Variants in TMEM102 observed in about 807,000 individuals in gnomAD.
TMEM102 encodes the protein DANGER family member 2B.
In TMEM102, 28 loss-of-function variants were observed where a neutral mutation model predicts 26.8. That is an observed-to-expected ratio of 1.05 (90% CI 0.77 to 1.43). TMEM102 has a LOEUF of 1.43. Ranked by LOEUF, TMEM102 falls within the 40% of genes most tolerant of loss-of-function variation. The pLI is 0.00. For synonymous variants in TMEM102, 306 were observed against 332.1 expected (o/e 0.92, Z 0.86); for missense variants, 677 against 705.6 (o/e 0.96, Z 0.46).
In TMEM102 at chr17:7,436,308, C is replaced by T. The variant is rs3809718; in HGVS notation, c.329C>T (p.Ala110Val). The T allele has an allele frequency of 1.8e-3, 2,929 of 1,613,820 alleles. 93 individuals are homozygous for T. In the East Asian group the frequency reaches 0.058, roughly 32 times the overall value. The change falls in exon 3 of 3, where the codon GCC (alanine) becomes GTC (valine). Residue 110 changes from alanine (A) to valine (V), a missense_variant. Coordinates refer to ENST00000323206, the MANE Select transcript of TMEM102 (RefSeq NM_178518.3). Reference protein sequence around the residue: ...DLGHAPLGPYARGPHYDAGFT... With the variant: ...DLGHAPLGPYVRGPHYDAGFT... ...GGGCATGCACCCCTGGGTCCCTACG[C>T]CCGGGGACCTCACTACGATGCCGGC...
Position 7,437,546 on chromosome 17 carries a change from A to G in TMEM102, c.*40A>G. The G allele has an allele frequency of 7.8e-7, 1 of 1,286,190 alleles. No homozygotes were observed. Among genetic ancestry groups the G allele is most frequent in the Non-Finnish European group, 1.0e-6 (1 of 999,478 alleles). 79.7% of individuals were successfully genotyped at this position (1,286,190 alleles called of 1,614,324 possible). On this transcript the variant is annotated 3_prime_UTR_variant, in exon 3 of 3. Transcript: ENST00000323206. The surrounding 1 kb of genome is among the most constrained non-coding windows in gnomAD (Gnocchi z 4.2). ...CCAGTGGAAAGTGCCTCTGTGGGCG[A>G]GCGGGACGTGGGGGGCCCTGCTCGC... is the stretch of plus-strand genomic sequence containing the variant.
In TMEM102 at chr17:7,436,936, C is replaced by T. The variant is rs759459571; in HGVS notation, c.957C>T (p.Ile319=). 2 of 1,605,788 alleles carry T rather than the reference C, an allele frequency of 1.2e-6. No individual in the cohort carries two copies. Among genetic ancestry groups the T allele is most frequent in the Non-Finnish European group, 1.7e-6 (2 of 1,179,492 alleles). The part of the protein sequence containing the change: ...PPRRLLLFDL[I]PVVSVAGWPE... ...GCCGCCTCCTGCTCTTCGACCTGAT[C>T]CCAGTGGTGTCCGTGGCGGGCTGGC... The change falls in exon 3 of 3, where the codon ATC becomes ATT. Residue 319 remains isoleucine, a synonymous_variant. Transcript: ENST00000323206.
In TMEM102 at chr17:7,436,842, C is replaced by T. The variant is rs1370573011; in HGVS notation, c.863C>T (p.Pro288Leu). 3.1e-6 allele frequency: 5 copies of T among 1,612,978 alleles called. No individual in the cohort carries two copies. The highest frequency in any genetic ancestry group is 4.5e-5 in the East Asian group (2 of 44,886). Residue 288 changes from proline (P) to leucine (L), a missense_variant, in exon 3 of 3, where the codon CCG becomes CTG. Transcript: ENST00000323206. ...AESLIPVPGA[P>L]RLVHAARHAG... ...TCTCTGATCCCTGTCCCGGGTGCTC[C>T]GCGTCTGGTGCACGCAGCTCGCCAC...
In TMEM102 at chr17:7,436,800, T is replaced by A; in HGVS notation, c.821T>A (p.Leu274Gln). 1 of 1,613,478 alleles carries A rather than the reference T, an allele frequency of 6.2e-7. No homozygotes were observed. The highest frequency in any genetic ancestry group is 8.5e-7 in the Non-Finnish European group (1 of 1,180,020). Residue 274 changes from leucine to glutamine, a missense_variant, in exon 3 of 3, where the codon CTG becomes CAG. Leu to Gln is a moderately radical substitution (Grantham distance 113, BLOSUM62 -2). Coordinates refer to ENST00000323206, the MANE Select transcript of TMEM102 (RefSeq NM_178518.3). ...GTGGCTGCCTGGTTCTTTGCTACGC[T>A]GGCGGCGGTCGCCGAGTCTCTGATC... ...AQVAAWFFAT[L>Q]AAVAESLIPV...
Position 7,436,355 on chromosome 17 carries a change from T to A in TMEM102, c.376T>A (p.Phe126Ile). ...DAGFTLLVPM[F>I]SLDGTELQLD... ...CGGCTTCACACTCCTAGTGCCCATG[T>A]TTTCACTGGACGGCACTGAACTGCA... Residue 126 changes from phenylalanine (F) to isoleucine (I), a missense_variant, in exon 3 of 3, where the codon TTT (phenylalanine) becomes ATT (isoleucine). Physicochemically the swap from Phe to Ile is conservative, Grantham distance 21. Transcript: ENST00000323206. 8 of 1,613,754 alleles carry A rather than the reference T, an allele frequency of 5.0e-6. No individual in the cohort carries two copies. Among genetic ancestry groups the A allele is most frequent in the Non-Finnish European group, 6.8e-6 (8 of 1,180,028 alleles).
In TMEM102 at chr17:7,436,046, G is replaced by T. The variant is rs781470143; in HGVS notation, c.175G>T (p.Asp59Tyr). 1.9e-5 allele frequency: 30 copies of T among 1,613,898 alleles called. No homozygotes were observed. The highest frequency in any genetic ancestry group is 2.4e-5 in the Non-Finnish European group (28 of 1,180,032). Residue 59 changes from aspartate (D) to tyrosine (Y), a missense_variant, in exon 2 of 3, where the codon GAT becomes TAT. Physicochemically the swap from Asp to Tyr is radical, Grantham distance 160 (BLOSUM62 -3). Coordinates refer to ENST00000323206, the MANE Select transcript of TMEM102 (RefSeq NM_178518.3). Reference sequence around the variant, plus strand: ...GAGTGACGGGCCCAAGCCGGGAGCCGATCTCCTCCGGGCCAAGGACTTTGT... The same window carrying T: ...GAGTGACGGGCCCAAGCCGGGAGCCTATCTCCTCCGGGCCAAGGACTTTGT... ...SWSDGPKPGA[D>Y]LLRAKDFVFS...
chr17:7,436,034 A>G lies in TMEM102; in HGVS notation c.163A>G (p.Lys55Glu). The G allele has an allele frequency of 1.2e-6, 2 of 1,613,638 alleles. No homozygotes were observed. Among genetic ancestry groups the G allele is most frequent in the Non-Finnish European group, 1.7e-6 (2 of 1,180,024 alleles). ...GCAGGAGAGCTGGAGTGACGGGCCC[A>G]AGCCGGGAGCCGATCTCCTCCGGGC... ...GVQESWSDGP[K>E]PGADLLRAKD... Residue 55 changes from lysine (K) to glutamate (E), a missense_variant, in exon 2 of 3, where the codon AAG becomes GAG. Transcript: ENST00000323206.
rs753717339 is a variant in TMEM102 at position 7,436,490 on chromosome 17, C to G, written c.511C>G (p.Arg171Gly). 6.2e-7 allele frequency: 1 copy of G among 1,613,794 alleles called. No homozygotes were observed. The highest frequency in any genetic ancestry group is 1.7e-5 in the Admixed American group (1 of 60,022). ...CTTAGGACCCCCAGTCCCAGGAGCA[C>G]GTGATTCGATCCACCGAACGGAGAG... ...DCLGPPVPGA[R>G]DSIHRTESEE... The change falls in exon 3 of 3, where the codon CGT (arginine) becomes GGT (glycine). Residue 171 changes from arginine to glycine, a missense_variant. By Grantham distance (125) the Arg-to-Gly change is moderately radical. Transcript: ENST00000323206.
Position 7,436,361 on chromosome 17 carries a change from C to A in TMEM102, c.382C>A (p.Leu128Met). ...GFTLLVPMFS[L>M]DGTELQLDLE... ...CACACTCCTAGTGCCCATGTTTTCA[C>A]TGGACGGCACTGAACTGCAACTGGA... The change falls in exon 3 of 3, where the codon CTG becomes ATG. Residue 128 changes from leucine (L) to methionine (M), a missense_variant. Leu to Met is a conservative substitution (Grantham distance 15). Transcript: ENST00000323206. The A allele has an allele frequency of 6.2e-7, 1 of 1,613,836 alleles. No individual in the cohort carries two copies.
At position 7,436,381 on chromosome 17, in the gene TMEM102, A is replaced by G. The variant is rs752387001; in HGVS notation, c.402A>G (p.Gln134=). The change falls in exon 3 of 3, where the codon CAA becomes CAG. Residue 134 remains glutamine, a synonymous_variant. Transcript: ENST00000323206. ...PMFSLDGTEL[Q]LDLESCYAQV... ...TTTCACTGGACGGCACTGAACTGCAACTGGACCTGGAATCCTGTTACGCAC... is the reference window on the plus strand; with the variant it reads ...TTTCACTGGACGGCACTGAACTGCAGCTGGACCTGGAATCCTGTTACGCAC... 31 of 1,613,826 alleles carry G rather than the reference A, an allele frequency of 1.9e-5. No individual in the cohort carries two copies. The highest frequency in any genetic ancestry group is 2.2e-5 in the Non-Finnish European group (26 of 1,180,032).
rs780540599 is a variant in TMEM102 at position 7,435,961 on chromosome 17, C to T, written c.90C>T (p.Ser30=). The change falls in exon 2 of 3, where the codon TCC becomes TCT. Residue 30 remains serine, a synonymous_variant. Transcript: ENST00000323206. The stretch of plus-strand genomic sequence containing the variant: ...CGCTCACGGACATCGACTTCTGCTC[C>T]GGGGCGCAGCTGCAGGAATTGACCC... ...ARPLTDIDFC[S]GAQLQELTQL... is the part of the protein sequence containing the mutation. The T allele has an allele frequency of 1.2e-6, 2 of 1,613,164 alleles. No individual in the cohort carries two copies. Among genetic ancestry groups the T allele is most frequent in the Admixed American group, 3.3e-5 (2 of 60,032 alleles).
chr17:7,436,667 G>C lies in TMEM102; in HGVS notation c.688G>C (p.Ala230Pro). The change falls in exon 3 of 3, where the codon GCA becomes CCA. Residue 230 changes from alanine (A) to proline (P), a missense_variant. Transcript: ENST00000323206. ...TGACGTCGTCGACCTTGGCTCTACC[G>C]CACCTTTGAAAACAATGAGTAGTGA... is the stretch of plus-strand genomic sequence containing the variant. Reference protein sequence around the residue: ...QHDVVDLGSTAPLKTMSSDVT... With the variant: ...QHDVVDLGSTPPLKTMSSDVT... 6.2e-7 allele frequency: 1 copy of C among 1,613,820 alleles called. No homozygotes were observed. The highest frequency in any genetic ancestry group is 8.5e-7 in the Non-Finnish European group (1 of 1,180,032).
At position 7,436,058 on chromosome 17, in the gene TMEM102, G is replaced by A. The variant is rs778563864; in HGVS notation, c.187G>A (p.Ala63Thr). ...GPKPGADLLR[A>T]KDFVFSLLGL... Reference sequence around the variant, plus strand: ...CAAGCCGGGAGCCGATCTCCTCCGGGCCAAGGACTTTGTCTTCTCTTTGCT... The same window carrying A: ...CAAGCCGGGAGCCGATCTCCTCCGGACCAAGGACTTTGTCTTCTCTTTGCT... Residue 63 changes from alanine (A) to threonine (T), a missense_variant, in exon 2 of 3, where the codon GCC (alanine) becomes ACC (threonine). Physicochemically the swap from Ala to Thr is moderately conservative, Grantham distance 58. Coordinates refer to ENST00000323206, the MANE Select transcript of TMEM102 (RefSeq NM_178518.3). The A allele has an allele frequency of 1.2e-6, 2 of 1,613,744 alleles. No individual in the cohort carries two copies. Among genetic ancestry groups the A allele is most frequent in the South Asian group, 1.1e-5 (1 of 91,094 alleles).
Position 7,437,195 on chromosome 17 carries a change from T to G in TMEM102, c.1216T>G (p.Tyr406Asp). 2 of 1,501,404 alleles carry G rather than the reference T, an allele frequency of 1.3e-6. No homozygotes were observed. Among genetic ancestry groups the G allele is most frequent in the Middle Eastern group, 4.3e-4 (2 of 4,680 alleles). The allele number at this position is 1,501,404 out of a possible 1,614,324, so 93.0% of individuals were successfully genotyped here. The change falls in exon 3 of 3, where the codon TAC (tyrosine) becomes GAC (aspartate). Residue 406 changes from tyrosine (Y) to aspartate (D), a missense_variant. Physicochemically the swap from Tyr to Asp is radical, Grantham distance 160. Transcript: ENST00000323206. The surrounding 1 kb of genome is among the most constrained non-coding windows in gnomAD (Gnocchi z 4.2). Reference sequence around the variant, plus strand: ...GGCCGGGACCCGGGCGGCGGCGCCCTACCTCCTGCGGACGCTGCTGTACTG... The same window carrying G: ...GGCCGGGACCCGGGCGGCGGCGCCCGACCTCCTGCGGACGCTGCTGTACTG... ...LVAGTRAAAP[Y>D]LLRTLLYWAC...
In TMEM102 at chr17:7,436,184, CT is replaced by C. The variant is rs746558948; in HGVS notation, c.215-3del. The C allele has an allele frequency of 4.4e-5, 69 of 1,580,738 alleles. 1 individual carries two copies. The highest frequency in any genetic ancestry group is 1.0e-5 in the Non-Finnish European group (12 of 1,152,736). On this transcript the variant is annotated splice_polypyrimidine_tract_variant and intron_variant, in intron 2 of 2. Coordinates refer to ENST00000323206, the MANE Select transcript of TMEM102 (RefSeq NM_178518.3). Reference sequence around the variant, plus strand: ...GGGCGACGCCCTCACGATCCGTTCCCTTTTTTTAGGTCTAGTTCACCGCCGG... The same window carrying C: ...GGGCGACGCCCTCACGATCCGTTCCCTTTTTTAGGTCTAGTTCACCGCCGG...
chr17:7,437,443 G>A lies in TMEM102; in HGVS notation c.1464G>A (p.Val488=), dbSNP rs1261804016. ...CGGCCCGGGCCCTCCGTGCCGCGGT[G>A]GAGGAGGCCAAAGTGGCCCGCAAGG... ...GDPARALRAA[V]EEAKVARKGG... is the part of the protein sequence containing the mutation. The change falls in exon 3 of 3, where the codon GTG becomes GTA. Residue 488 remains valine (V), a synonymous_variant. Coordinates refer to ENST00000323206, the MANE Select transcript of TMEM102 (RefSeq NM_178518.3). The surrounding 1 kb of genome is among the most constrained non-coding windows in gnomAD (Gnocchi z 4.2). The A allele has an allele frequency of 2.7e-6, 4 of 1,459,596 alleles. No individual in the cohort carries two copies. Among genetic ancestry groups the A allele is most frequent in the Middle Eastern group, 1.9e-4 (1 of 5,176 alleles). The allele number at this position is 1,459,596 out of a possible 1,614,324, so 90.4% of individuals were successfully genotyped here.
At position 7,436,320 on chromosome 17, in the gene TMEM102, A is replaced by C. The variant is rs750940252; in HGVS notation, c.341A>C (p.His114Pro). ...APLGPYARGPHYDAGFTLLVP... is the reference protein window; with the variant it reads ...APLGPYARGPPYDAGFTLLVP... ...CTGGGTCCCTACGCCCGGGGACCTC[A>C]CTACGATGCCGGCTTCACACTCCTA... is the stretch of plus-strand genomic sequence containing the variant. Residue 114 changes from histidine to proline, a missense_variant, in exon 3 of 3, where the codon CAC becomes CCC. By Grantham distance (77) the His-to-Pro change is moderately conservative. Transcript: ENST00000323206. 1 of 1,613,740 alleles carries C rather than the reference A, an allele frequency of 6.2e-7. No individual in the cohort carries two copies. The highest frequency in any genetic ancestry group is 8.5e-7 in the Non-Finnish European group (1 of 1,180,000).
At position 7,436,024 on chromosome 17, in the gene TMEM102, T is replaced by A; in HGVS notation, c.153T>A (p.Ser51Arg). 1 of 1,613,448 alleles carries A rather than the reference T, an allele frequency of 6.2e-7. No homozygotes were observed. The highest frequency in any genetic ancestry group is 8.5e-7 in the Non-Finnish European group (1 of 1,180,002). Residue 51 changes from serine (S) to arginine (R), a missense_variant, in exon 2 of 3, where the codon AGT becomes AGA. Transcript: ENST00000323206. ...IQELGVQESW[S>R]DGPKPGADLL... ...AGCTGGGTGTGCAGGAGAGCTGGAG[T>A]GACGGGCCCAAGCCGGGAGCCGATC... is the stretch of plus-strand genomic sequence containing the variant.
In TMEM102 at chr17:7,435,435, G is replaced by T. The variant is rs1907972480; in HGVS notation, c.-281G>T. ...GGGGCGTGGCTGAAAATGTAGGGGC[G>T]TGGCCACGTGGGCATCAGGAAGAAG... On this transcript the variant is annotated 5_prime_UTR_variant, in exon 1 of 3. Coordinates refer to ENST00000323206, the MANE Select transcript of TMEM102 (RefSeq NM_178518.3). 6.4e-6 allele frequency: 1 copy of T among 156,492 alleles called. No individual in the cohort carries two copies. Among genetic ancestry groups the T allele is most frequent in the African/African-American group, 2.4e-5 (1 of 41,584 alleles). The allele number at this position is 156,492 out of a possible 1,614,324, so 9.7% of individuals were successfully genotyped here. A position where few individuals can be genotyped will look rare whatever the true frequency, so the allele number is the denominator to read the frequency against.
Sources: allele counts gnomAD v4.1 joint callset, GRCh38; gene constraint gnomAD v4.1.1; non-coding constraint Gnocchi (gnomAD v3.1); transcripts MANE v1.5; gene names NCBI Gene and HGNC (gene_info 2026-07-23, HGNC 2026-07-21).